Variants in SLC7A14 observed in about 807,000 individuals in gnomAD.
SLC7A14 encodes the protein gamma-aminobutyric acid transporter SLC7A14.
In SLC7A14, 37 loss-of-function variants were observed where a neutral mutation model predicts 60.2. The observed-to-expected ratio is 0.61, with a 90% CI of 0.47 to 0.81. SLC7A14 has a LOEUF of 0.81. Among genes scored for constraint, SLC7A14 ranks in the 30% least tolerant of loss-of-function variants. The probability of loss-of-function intolerance (pLI) is 0.00; values close to 1 mark genes in which losing one functional copy is unlikely to be tolerated. For synonymous variants in SLC7A14, 399 were observed against 395.8 expected, an observed-to-expected ratio of 1.01 and a Z score of -0.10; for missense variants, 886 against 982.7, an observed-to-expected ratio of 0.90 and a Z score of 1.32.
chr3:170,541,284 T>G (rs976363579), intron 1 of SLC7A14, among the ~76,000 whole-genome samples: 3 of 151,938 alleles, frequency 2.0e-5, no homozygotes, highest in Non-Finnish European at 4.4e-5. Flanking sequence ...ATTAAGCAAC[T>G]GTTAAAATAT....
chr3:170,579,190 A>C (rs1244882749), intron 1 of SLC7A14, among the ~76,000 whole-genome samples: 1 of 152,224 alleles, frequency 6.6e-6, no homozygotes, highest in African/African-American at 2.4e-5. Flanking sequence ...TGCCTGAGAG[A>C]GAGAAGACTC....
chr3:170,549,179 A>G (rs904116114), intron 1 of SLC7A14, among the ~76,000 whole-genome samples: 1 of 151,722 alleles, frequency 6.6e-6, no homozygotes, highest in Non-Finnish European at 1.5e-5. Flanking sequence ...TCAATATAAT[A>G]CAGGCTGAAT....
chr3:170,480,152 C>T (rs1031720694), intron 7 of SLC7A14, 137 bp downstream of exon 7: 25 of 792,454 alleles, frequency 3.2e-5, no homozygotes, highest in African/African-American at 2.4e-4. Flanking sequence ...GACTCTTAGG[C>T]GGAACACAAG....
At chr3:170,470,024 T>C (rs1440603226) in intron 7 of SLC7A14, among the ~76,000 whole-genome samples, 1 of 152,096 alleles carries the variant, frequency 6.6e-6, no homozygotes, top group African/African-American at 2.4e-5. Context: ...CCTTGAGTCA[T>C]AGATATTTAG....
intron 7 of SLC7A14, among the ~76,000 whole-genome samples, chr3:170,479,962 A>G (rs1346053665): frequency 6.6e-6 from 1 of 152,224 alleles, no homozygotes; most frequent in African/African-American, 2.4e-5. Flanking sequence ...CAATTATACT[A>G]TGCTATTTTT....
At chr3:170,543,332 G>A (rs574885867) in intron 1 of SLC7A14, among the ~76,000 whole-genome samples, 1 of 152,202 alleles carries the variant, frequency 6.6e-6, no homozygotes, top group Admixed American at 6.5e-5. Context: ...AGATCCATGA[G>A]GTCACGGTCC....
In SLC7A14 at chr3:170,561,510, G is replaced by A. The variant is rs928609975; in HGVS notation, c.-153+24401C>T. 2.6e-5 allele frequency among the ~76,000 whole-genome samples: 4 copies of A among 152,174 alleles called. No individual in the cohort carries two copies. In the South Asian group the frequency reaches 6.2e-4, roughly 24 times the overall value. On this transcript the variant is annotated intron_variant, in intron 1 of 7. Transcript: ENST00000231706. ...TGTGTCTTTAGACATATCATTCTAC[G>A]TTTGGGAACCTCAGTTTCTTTGTCT... is the stretch of plus-strand genomic sequence containing the variant.
chr3:170,473,169 G>T (rs1030471944), intron 7 of SLC7A14, among the ~76,000 whole-genome samples: 1 of 152,110 alleles, frequency 6.6e-6, no homozygotes, highest in African/African-American at 2.4e-5. Context: ...GCATCAGCAG[G>T]TGACATACCT....
chr3:170,498,012 A>C (rs1203865285), intron 4 of SLC7A14, among the ~76,000 whole-genome samples: 1 of 152,234 alleles, frequency 6.6e-6, no homozygotes, highest in Non-Finnish European at 1.5e-5. Context: ...TGACCTCAGT[A>C]GGACTCTCCT....
At chr3:170,492,639 G>A (rs62293539) in intron 4 of SLC7A14, among the ~76,000 whole-genome samples, 39 of 152,228 alleles carry the variant, frequency 2.6e-4, no homozygotes, top group Non-Finnish European at 4.7e-4. Context: ...AAAGCAGCAC[G>A]TGCCTCAGTT....
chr3:170,527,049 C>A lies in SLC7A14; in HGVS notation c.-113G>T. 8.8e-7 allele frequency: 1 copy of A among 1,134,556 alleles called. No homozygotes were observed. Among genetic ancestry groups the A allele is most frequent in the Non-Finnish European group, 1.2e-6 (1 of 818,678 alleles). The allele number at this position is 1,134,556 out of a possible 1,614,324, so 70.3% of individuals were successfully genotyped here. A position where few individuals can be genotyped will look rare whatever the true frequency, so the allele number is the denominator to read the frequency against. On this transcript the variant is annotated 5_prime_UTR_variant, in exon 2 of 8. Coordinates refer to ENST00000231706, the MANE Select transcript of SLC7A14 (RefSeq NM_020949.3). ...CAGGGATCTCCCTTTTAGGAAAGGC[C>A]CAGAGGGACCCAGTGCAGCCTTCTC...
intron 4 of SLC7A14, chr3:170,496,530 A>G: frequency 1.9e-6 from 3 of 1,566,982 alleles, no homozygotes; most frequent in Non-Finnish European, 2.6e-6. Flanking sequence ...CAAGCAGGAC[A>G]TGGCGCAGCA....
Position 170,480,883 on chromosome 3 carries a change from CAGG to C in SLC7A14, c.1396_1398del (p.Pro466del). ...CCAGAAAACTCATCCCCCTCACTCA[CAGG>C]AGAACAAGCTTCCTTCTCACAGTCA... On this transcript the variant is annotated inframe_deletion, in exon 7 of 8. Transcript: ENST00000231706. 6.2e-7 allele frequency: 1 copy of C among 1,614,088 alleles called. No homozygotes were observed. The highest frequency in any genetic ancestry group is 8.5e-7 in the Non-Finnish European group (1 of 1,180,040).
intron 1 of SLC7A14, among the ~76,000 whole-genome samples, chr3:170,582,664 T>G (rs1280410530): frequency 6.6e-6 from 1 of 152,172 alleles, no homozygotes; most frequent in Non-Finnish European, 1.5e-5. Flanking sequence ...GTTGACATTA[T>G]CAATAAGAAG....
intron 6 of SLC7A14, among the ~76,000 whole-genome samples, chr3:170,482,080 G>C (rs1275578117): frequency 6.6e-6 from 1 of 152,164 alleles, no homozygotes; most frequent in African/African-American, 2.4e-5. Flanking sequence ...AAATAGCACA[G>C]TAATTGAGAA....
chr3:170,538,270 A>G (rs1713909708), intron 1 of SLC7A14, among the ~76,000 whole-genome samples: 1 of 152,170 alleles, frequency 6.6e-6, no homozygotes. Context: ...TTTGGAGCTT[A>G]TATCTGAAAT....
intron 2 of SLC7A14, among the ~76,000 whole-genome samples, chr3:170,517,758 T>G (rs1713213256): frequency 6.6e-6 from 1 of 152,174 alleles, no homozygotes; most frequent in Non-Finnish European, 1.5e-5. Flanking sequence ...ACCTCCTCCC[T>G]AGGGATTCCA....
intron 2 of SLC7A14, among the ~76,000 whole-genome samples, chr3:170,510,468 C>A (rs1447598478): frequency 2.0e-5 from 3 of 151,872 alleles, no homozygotes; most frequent in Admixed American, 2.0e-4. Context: ...CTAGATCTCC[C>A]TCTATGAAAA....
intron 4 of SLC7A14, chr3:170,495,997 C>T (rs1292356230): frequency 5.2e-6 from 6 of 1,158,782 alleles, no homozygotes; most frequent in Middle Eastern, 5.5e-4. Context: ...CGTACAGAAA[C>T]GGAGAATGAA....
Sources: allele counts gnomAD v4.1 joint callset (sites outside exome capture counted in the v4.1 genomes callset), GRCh38; gene constraint gnomAD v4.1.1; transcripts MANE v1.5; gene names NCBI Gene and HGNC (gene_info 2026-07-23, HGNC 2026-07-21).